CASP6: variants seen among roughly 807,000 people sequenced by gnomAD.
The protein encoded by CASP6 is caspase-6.
Under a neutral mutation model 31.8 loss-of-function variants are expected in CASP6, and 20 were observed. That is an observed-to-expected ratio of 0.63 (90% CI 0.44 to 0.91). CASP6 has a LOEUF of 0.91. Ranked by LOEUF, CASP6 falls within the 40% of genes least tolerant of loss-of-function variation. CASP6 has a pLI of 0.00. For missense variants in CASP6, 328 were observed against 361.1 expected, an observed-to-expected ratio of 0.91 and a Z score of 0.74; for synonymous variants, 130 against 127.8, an observed-to-expected ratio of 1.02 and a Z score of -0.12.
rs551955795 is a variant in CASP6 at position 109,698,159 on chromosome 4, C to A, written c.83+141G>T. On this transcript the variant is annotated intron_variant, in intron 2 of 6. Transcript: ENST00000265164. ...AGGGGCAGCACAACCTGCCTATCTA[C>A]AAATGAGCTCCCCAAAGGCTAAAAC... 5.8e-5 allele frequency: 48 copies of A among 827,246 alleles called. No individual in the cohort carries two copies. In the East Asian group the frequency reaches 1.2e-3, roughly 21 times the overall value. 51.2% of individuals were successfully genotyped at this position (827,246 alleles called of 1,614,324 possible). A position where few individuals can be genotyped will look rare whatever the true frequency, so the allele number is the denominator to read the frequency against.
upstream of CASP6, among the ~76,000 whole-genome samples, chr4:109,706,158 T>C (rs1190436753): frequency 1.1e-5 from 1 of 92,620 alleles, no homozygotes; most frequent in Non-Finnish European, 1.9e-5. Flanking sequence ...TATATATATA[T>C]ATATATATAT....
downstream of CASP6, chr4:109,684,777 T>G (rs933461246): frequency 5.3e-5 from 31 of 586,276 alleles, no homozygotes; most frequent in Middle Eastern, 9.1e-4. Flanking sequence ...GGTAAATTTT[T>G]TATTGTTTTT....
the CASP6 span, among the ~76,000 whole-genome samples, chr4:109,669,098 T>A: frequency 1.3e-5 from 2 of 152,256 alleles, no homozygotes; most frequent in East Asian, 3.9e-4. Flanking sequence ...GTTTTTATTT[T>A]ACCTCCACTA....
At chr4:109,671,826 C>G in the CASP6 span, among the ~76,000 whole-genome samples, 3 of 152,098 alleles carry the variant, frequency 2.0e-5, no homozygotes, top group African/African-American at 7.2e-5. Context: ...ATGTATCAGG[C>G]AATAGAAACT....
At chr4:109,705,990 AAAAAAAAAAAAATAT>A (rs1265071578), upstream of CASP6, among the ~76,000 whole-genome samples, 7 of 71,304 alleles carry the variant, frequency 9.8e-5, no homozygotes, top group African/African-American at 5.4e-4. Context: ...AAAAAAAAAA[AAAAAAAAAAAAATAT>A]ATATATATAT....
chr4:109,673,944 A>G, the CASP6 span: 13 of 796,546 alleles, frequency 1.6e-5, no homozygotes, highest in South Asian at 1.1e-4. Flanking sequence ...CCATTGGAAT[A>G]GCAGGTTTTG....
chr4:109,681,819 A>G, the CASP6 span, among the ~76,000 whole-genome samples: 1 of 152,264 alleles, frequency 6.6e-6, no homozygotes, highest in Non-Finnish European at 1.5e-5. Context: ...GCAGTGGTGG[A>G]CAGTGAGCGA....
At position 109,689,280 on chromosome 4, in the gene CASP6, T is replaced by C; in HGVS notation, c.*50A>G. ...ACAGGTGTGAGTAACCACGCCTGGC[T>C]GAGAAAGCCATTTTCAATACAGAGT... On this transcript the variant is annotated 3_prime_UTR_variant, in exon 7 of 7. Coordinates refer to ENST00000265164, the MANE Select transcript of CASP6 (RefSeq NM_001226.4). 6.4e-7 allele frequency: 1 copy of C among 1,567,618 alleles called. No individual in the cohort carries two copies. Among genetic ancestry groups the C allele is most frequent in the Admixed American group, 1.7e-5 (1 of 59,164 alleles).
At chr4:109,670,162 G>A in the CASP6 span, among the ~76,000 whole-genome samples, 3 of 152,166 alleles carry the variant, frequency 2.0e-5, no homozygotes, top group African/African-American at 7.2e-5. Context: ...GATAAAGTAA[G>A]GTATGGAGGG....
chr4:109,708,648 G>A, the CASP6 span, among the ~76,000 whole-genome samples: 1 of 152,140 alleles, frequency 6.6e-6, no homozygotes, highest in Non-Finnish European at 1.5e-5. Flanking sequence ...GTTGGCTGAC[G>A]TTCTACTTAT....
the CASP6 span, among the ~76,000 whole-genome samples, chr4:109,666,750 A>G: frequency 2.6e-5 from 4 of 152,088 alleles, no homozygotes; most frequent in Non-Finnish European, 4.4e-5. Context: ...TGTCTTTCAC[A>G]AGTTGAGGAA....
chr4:109,671,484 C>G, the CASP6 span, among the ~76,000 whole-genome samples: 2 of 152,126 alleles, frequency 1.3e-5, no homozygotes, highest in African/African-American at 2.4e-5. Flanking sequence ...CTGACTGATT[C>G]TTTCCTCCCC....
the CASP6 span, among the ~76,000 whole-genome samples, chr4:109,664,995 G>A: frequency 1.1e-4 from 17 of 152,136 alleles, no homozygotes; most frequent in Middle Eastern, 3.4e-3. Flanking sequence ...AAGCAAAATC[G>A]AGCAGAATGT....
downstream of CASP6, chr4:109,687,831 A>G (rs1373947007): frequency 1.7e-5 from 8 of 471,850 alleles, no homozygotes; most frequent in Non-Finnish European, 2.6e-5. Flanking sequence ...GTTAGCTAAA[A>G]ATCCTTGTCA....
chr4:109,686,743 G>A (rs1207232197), downstream of CASP6, among the ~76,000 whole-genome samples: 2 of 152,098 alleles, frequency 1.3e-5, no homozygotes, highest in African/African-American at 2.4e-5. Context: ...GGACATGGTG[G>A]CACATGCTTG....
intron 2 of CASP6, 35 bp downstream of exon 2, chr4:109,698,261 AAAGG>A (rs752675737): frequency 1.3e-6 from 2 of 1,585,952 alleles, no homozygotes; most frequent in South Asian, 2.3e-5. Flanking sequence ...CATGACCATC[AAAGG>A]AAGAGACCTT....
upstream of CASP6, chr4:109,703,569 C>T (rs544612599): frequency 1.3e-6 from 1 of 787,504 alleles, no homozygotes; most frequent in South Asian, 1.9e-5. Flanking sequence ...GCTGGTCCTT[C>T]CCAGAGTTAA....
chr4:109,702,807 G>C (rs756313096), intron 1 of CASP6: 2 of 152,918 alleles, frequency 1.3e-5, no homozygotes, highest in Admixed American at 6.5e-5. Context: ...GAGATACCGG[G>C]GTGTGCTGGC....
At chr4:109,696,538 A>T in intron 3 of CASP6, 52 bp from the exon 4 acceptor site, 1 of 1,231,716 alleles carries the variant, frequency 8.1e-7, no homozygotes, top group Non-Finnish European at 1.2e-6. Context: ...AAAGTTGTCA[A>T]ATACCCTTAC....
Sources: gnomAD v4.1 joint callset for allele counts (sites outside exome capture counted in the v4.1 genomes callset) on GRCh38, gnomAD v4.1.1 for gene constraint, MANE v1.5 for transcripts, NCBI Gene and HGNC (gene_info 2026-07-23, HGNC 2026-07-21) for gene names.